Variants in RAB31 observed in about 807,000 individuals in gnomAD.
The protein encoded by RAB31 is ras-related protein Rab-31.
Under a neutral mutation model 25.6 loss-of-function variants are expected in RAB31, and 21 were observed. That is an observed-to-expected ratio of 0.82 (90% CI 0.58 to 1.18). The LOEUF (loss-of-function observed/expected upper bound fraction) is 1.18, where lower values mean the gene tolerates loss of function less well. Ranked by LOEUF, RAB31 falls within the 50% of genes most tolerant of loss-of-function variation. The pLI, the probability that RAB31 is intolerant of heterozygous loss-of-function variation, is 0.00. For synonymous variants in RAB31, 87 were observed against 84.0 expected (o/e 1.04, Z -0.20); for missense variants, 196 against 250.1 (o/e 0.78, Z 1.46).
At chr18:9,837,888 C>T (rs558589955) in intron 5 of RAB31, among the ~76,000 whole-genome samples, 2 of 152,142 alleles carry the variant, frequency 1.3e-5, no homozygotes, top group East Asian at 1.9e-4. Context: ...ATAATTGGAC[C>T]GGGAGCTCTC....
At chr18:9,745,929 C>T (rs1159519030) in intron 1 of RAB31, among the ~76,000 whole-genome samples, 2 of 152,254 alleles carry the variant, frequency 1.3e-5, no homozygotes, top group African/African-American at 4.8e-5. Flanking sequence ...AGAGCAATTA[C>T]GCATGTAAAA....
intron 5 of RAB31, among the ~76,000 whole-genome samples, chr18:9,844,108 G>T (rs144789840): frequency 1.3e-5 from 2 of 152,234 alleles, no homozygotes; most frequent in Admixed American, 6.5e-5. Context: ...AGCATTAGAG[G>T]AGCTTCCAGA....
intron 1 of RAB31, among the ~76,000 whole-genome samples, chr18:9,734,121 AGGG>A: frequency 1.1e-5 from 1 of 92,256 alleles, no homozygotes. Context: ...GGAGGGAGGG[AGGG>A]AGGAAGGCTA....
intron 2 of RAB31, among the ~76,000 whole-genome samples, chr18:9,781,614 C>T (rs550885140): frequency 3.9e-5 from 6 of 152,202 alleles, no homozygotes; most frequent in Admixed American, 6.5e-5. Context: ...CAGCCCTGTT[C>T]GCTTTCTACC....
At chr18:9,813,727 C>T (rs566940543) in intron 3 of RAB31, among the ~76,000 whole-genome samples, 1 of 152,210 alleles carries the variant, frequency 6.6e-6, no homozygotes, top group African/African-American at 2.4e-5. Context: ...TGGTGCATGC[C>T]TGTAATCCTG....
rs77835334 is a variant in RAB31, at chr18:9,784,294, C to G, written c.120-7860C>G. Among the ~76,000 whole-genome samples, 1,355 of 152,026 alleles carry G rather than the reference C, an allele frequency of 8.9e-3. 59 individuals carry two copies. In the East Asian group the frequency reaches 0.12, roughly 13 times the overall value. On this transcript the variant is annotated intron_variant, in intron 2 of 6. Transcript: ENST00000578921. ...GCCTCAAGTGATCCTGCCACCTTGGCCTCCCAAAGTGCTGGGATTACAGGT... is the reference window on the plus strand; with the variant it reads ...GCCTCAAGTGATCCTGCCACCTTGGGCTCCCAAAGTGCTGGGATTACAGGT...
At chr18:9,786,668 T>G (rs1338906014) in intron 2 of RAB31, 1 of 152,220 alleles carries the variant, frequency 6.6e-6, no homozygotes, top group African/African-American at 2.4e-5. Context: ...GGTTCTCTTC[T>G]GTGTTGATGG....
chr18:9,827,135 T>G (rs563873525), intron 5 of RAB31, among the ~76,000 whole-genome samples: 20 of 152,232 alleles, frequency 1.3e-4, no homozygotes, highest in Admixed American at 1.2e-3. Context: ...TCTTTCAGGC[T>G]TTCCTGGTCA....
intron 5 of RAB31, among the ~76,000 whole-genome samples, chr18:9,825,288 T>A (rs994146571): frequency 1.3e-5 from 2 of 152,156 alleles, no homozygotes; most frequent in Non-Finnish European, 2.9e-5. Context: ...TCAAGGTCTG[T>A]GCTATTCTAG....
chr18:9,763,650 TTG>T (rs918237455), intron 1 of RAB31, among the ~76,000 whole-genome samples: 4 of 150,292 alleles, frequency 2.7e-5, no homozygotes, highest in Admixed American at 2.0e-4. Context: ...GTAGGCATAA[TTG>T]GAGTTCCAGT....
chr18:9,780,171 G>C (rs1224251379), intron 2 of RAB31, among the ~76,000 whole-genome samples: 1 of 131,514 alleles, frequency 7.6e-6, no homozygotes. Context: ...GTGAAATACT[G>C]TTCCAAAAAA....
At position 9,760,354 on chromosome 18, in the gene RAB31, G is replaced by A. The variant is rs2068281999; in HGVS notation, c.40-14924G>A. On this transcript the variant is annotated intron_variant, in intron 1 of 6. Coordinates refer to ENST00000578921, the MANE Select transcript of RAB31 (RefSeq NM_006868.4). ...ATGCCCAGCTAATTTTTTATTTTTT[G>A]TAGAGACAAGGTCTTGCCATGTAGT... Among the ~76,000 whole-genome samples the A allele has an allele frequency of 1.3e-5, 2 of 151,696 alleles. 1 individual carries two copies. Among genetic ancestry groups the A allele is most frequent in the Admixed American group, 1.3e-4 (2 of 15,216 alleles).
intron 2 of RAB31, among the ~76,000 whole-genome samples, chr18:9,789,675 A>AT (rs939672996): frequency 1.2e-4 from 18 of 152,178 alleles, no homozygotes; most frequent in Admixed American, 3.9e-4. Context: ...GGTTTTTTGA[A>AT]TTTTTTTTAT....
chr18:9,719,790 G>C (rs1283142939), intron 1 of RAB31, among the ~76,000 whole-genome samples: 3 of 151,998 alleles, frequency 2.0e-5, no homozygotes, highest in African/African-American at 7.3e-5. Flanking sequence ...CGACCTCCTT[G>C]AAAGAGGCAT....
intron 1 of RAB31, among the ~76,000 whole-genome samples, chr18:9,709,632 C>G (rs1256127133): frequency 6.6e-6 from 1 of 152,196 alleles, no homozygotes; most frequent in Non-Finnish European, 1.5e-5. Flanking sequence ...AAAACCATCC[C>G]TTACGCTAAC....
intron 1 of RAB31, among the ~76,000 whole-genome samples, chr18:9,753,967 A>T (rs982646599): frequency 6.6e-6 from 1 of 150,916 alleles, no homozygotes; most frequent in Non-Finnish European, 1.5e-5. Flanking sequence ...ATGCGTAAGG[A>T]ATCTTTTCCA....
intron 2 of RAB31, among the ~76,000 whole-genome samples, chr18:9,784,796 T>G (rs7238836): frequency 0.99 from 150,285 of 152,150 alleles, 74,229 homozygotes; most frequent in East Asian, 1. Flanking sequence ...CAAGTGATCC[T>G]CCCCCATCAA....
chr18:9,740,480 G>A (rs1045209728), intron 1 of RAB31, among the ~76,000 whole-genome samples: 7 of 152,178 alleles, frequency 4.6e-5, no homozygotes, highest in Admixed American at 4.6e-4. Context: ...TTGGGAGGCC[G>A]AGGAAGGTGG....
chr18:9,804,890 C>T (rs2068532147), intron 3 of RAB31, among the ~76,000 whole-genome samples: 1 of 152,126 alleles, frequency 6.6e-6, no homozygotes, highest in African/African-American at 2.4e-5. Flanking sequence ...TTTTTGTTTC[C>T]AGTTGTTGCT....
Sources: allele counts gnomAD v4.1 joint callset (sites outside exome capture counted in the v4.1 genomes callset), GRCh38; gene constraint gnomAD v4.1.1; transcripts MANE v1.5; gene names NCBI Gene and HGNC (gene_info 2026-07-23, HGNC 2026-07-21).